ANO7: variants seen among roughly 807,000 people sequenced by gnomAD.
ANO7 encodes anoctamin-7.
ANO7 carries 114 observed loss-of-function variants against 115.8 expected under a neutral mutation model. The ratio of observed to expected loss-of-function variants is 0.98; its 90% CI spans 0.85 to 1.15. The LOEUF (loss-of-function observed/expected upper bound fraction) is 1.15. Ranked by LOEUF, ANO7 falls within the 50% of genes most tolerant of loss-of-function variation. The pLI is 0.00. For synonymous variants in ANO7, 550 were observed against 498.2 expected (o/e 1.10, Z -1.38); for missense variants, 1,302 against 1,201.2 (o/e 1.08, Z -1.24).
the ANO7 span, chr2:241,236,659 AGAT>A: frequency 1.2e-6 from 2 of 1,614,066 alleles, no homozygotes; most frequent in African/African-American, 1.3e-5. Flanking sequence ...TTCCGGCCAG[AGAT>A]GATGATGATG....
intron 10 of ANO7, among the ~76,000 whole-genome samples, chr2:241,207,163 C>A (rs2068613558): frequency 4.3e-5 from 1 of 23,082 alleles, no homozygotes; most frequent in Non-Finnish European, 8.4e-5. Flanking sequence ...GGAGTGCTCC[C>A]AGGCTGACAC....
At chr2:241,208,334 G>A (rs1308772947) in intron 11 of ANO7, among the ~76,000 whole-genome samples, 1 of 152,206 alleles carries the variant, frequency 6.6e-6, no homozygotes, top group East Asian at 1.9e-4. Context: ...GGCCACTTCT[G>A]GGGACTCAGC....
chr2:241,210,259 C>T, intron 13 of ANO7, 36 bp from the exon 14 acceptor site: 1 of 1,607,654 alleles, frequency 6.2e-7, no homozygotes, highest in Non-Finnish European at 8.5e-7. Context: ...GCCCAAGACA[C>T]CGTGAAGGGT....
chr2:241,213,282 C>T (rs907905767), intron 17 of ANO7, among the ~76,000 whole-genome samples: 28 of 152,286 alleles, frequency 1.8e-4, no homozygotes, highest in Admixed American at 1.1e-3. Flanking sequence ...GGCGTGCTGC[C>T]GCCATGGCTG....
chr2:241,231,101 A>C, the ANO7 span: 1 of 657,858 alleles, frequency 1.5e-6, no homozygotes, highest in Admixed American at 2.8e-5. Context: ...ATGTCCACTC[A>C]GGGCCGGGCA....
At position 241,204,914 on chromosome 2, in the gene ANO7, G is replaced by A. The variant is rs1409539551; in HGVS notation, c.939G>A (p.Val313=). ...LLPAAVVGTL[V]FLVGCFLVFS... ...CAGCGGCAGTGGTGGGCACACTGGT[G>A]TTCCTGGTGGGCTGCTTCCTGGTGT... Residue 313 remains valine, a synonymous_variant, in exon 10 of 25, where the codon GTG becomes GTA. Transcript: ENST00000674324. The A allele has an allele frequency of 5.0e-6, 8 of 1,613,966 alleles. No homozygotes were observed. Among genetic ancestry groups the A allele is most frequent in the Non-Finnish European group, 5.9e-6 (7 of 1,180,006 alleles).
At chr2:241,200,009 A>G in intron 5 of ANO7, 80 bp from the exon 6 acceptor site, 1 of 1,556,982 alleles carries the variant, frequency 6.4e-7, no homozygotes, top group Non-Finnish European at 8.7e-7. Flanking sequence ...CCAATTTGCA[A>G]ACTTGCACAA....
At chr2:241,230,221 T>G (rs1283726369), downstream of ANO7, 1 of 1,612,938 alleles carries the variant, frequency 6.2e-7, no homozygotes, top group Non-Finnish European at 8.5e-7. This position sits in a 1 kb window ranked among gnomAD's most constrained non-coding sequence, Gnocchi z 5.0. Flanking sequence ...CCCGTCACAG[T>G]GACGCAGTTG....
intron 2 of ANO7, 57 bp downstream of exon 2, chr2:241,190,228 T>C: frequency 6.9e-7 from 1 of 1,447,190 alleles, no homozygotes; most frequent in Non-Finnish European, 9.4e-7. Flanking sequence ...TGCCTGGGTC[T>C]ATGCCCCCAC....
At chr2:241,197,653 T>G (rs1007328228) in intron 4 of ANO7, among the ~76,000 whole-genome samples, 1,279 of 27,912 alleles carry the variant, frequency 0.046, 19 homozygotes, top group African/African-American at 0.12. Flanking sequence ...CACCTGCCCT[T>G]TTTTTTTTTT....
Position 241,223,747 on chromosome 2 carries a change from AC to A in ANO7, c.2499del (p.Tyr834ThrfsTer79). ...GTGGAGATCAAAGTGAAGCGGGAGT[AC>A]TACCTGGCTAAGCAGGCACTGGCTG... is the stretch of plus-strand genomic sequence containing the variant. The part of the protein sequence containing the change: ...ESVEIKVKRE[Y>X]YLAKQALAEN... On this transcript the variant is annotated frameshift_variant, in exon 23 of 25. Transcript: ENST00000674324. LOFTEE classifies it high-confidence loss of function. 6.2e-7 allele frequency: 1 copy of A among 1,614,190 alleles called. No homozygotes were observed. Among genetic ancestry groups the A allele is most frequent in the Non-Finnish European group, 8.5e-7 (1 of 1,180,030 alleles).
chr2:241,227,246 A>C (rs931277785), downstream of ANO7: 1 of 152,516 alleles, frequency 6.6e-6, no homozygotes, highest in African/African-American at 2.4e-5. Context: ...CGAGAAAGAG[A>C]ACACACAGGC....
At chr2:241,234,890 A>G in the ANO7 span, among the ~76,000 whole-genome samples, 466 of 152,288 alleles carry the variant, frequency 3.1e-3, 6 homozygotes, top group Middle Eastern at 0.02. Context: ...GCAAATTTAC[A>G]CGGAAGTCCA....
chr2:241,223,578 A>C, intron 22 of ANO7, 84 bp from the exon 23 acceptor site: 4 of 1,554,874 alleles, frequency 2.6e-6, no homozygotes, highest in Non-Finnish European at 3.5e-6. Flanking sequence ...AGCTGGGAGC[A>C]GGTGCCGGAG....
the ANO7 span, chr2:241,231,123 G>A: frequency 8.5e-6 from 5 of 587,202 alleles, no homozygotes; most frequent in East Asian, 5.9e-5. Context: ...GGTGGCTCAC[G>A]CCTGTAATCC....
chr2:241,231,596 C>G, the ANO7 span, among the ~76,000 whole-genome samples: 1 of 152,174 alleles, frequency 6.6e-6, no homozygotes, highest in Non-Finnish European at 1.5e-5. Flanking sequence ...CTTCCTGCTT[C>G]TTTGCCCACG....
chr2:241,237,043 T>C, the ANO7 span, among the ~76,000 whole-genome samples: 1 of 150,676 alleles, frequency 6.6e-6, no homozygotes, highest in Non-Finnish European at 1.5e-5. Context: ...GTCTCCCTTC[T>C]TCACCTTGAA....
intron 19 of ANO7, among the ~76,000 whole-genome samples, chr2:241,216,482 C>T (rs1423746895): frequency 6.6e-6 from 1 of 152,208 alleles, no homozygotes; most frequent in Non-Finnish European, 1.5e-5. Context: ...AGGAGGCCCC[C>T]GCGGCCGTTG....
At position 241,216,010 on chromosome 2, in the gene ANO7, C is replaced by A. The variant is rs527938117; in HGVS notation, c.1827-83C>A. ...CAATTGCAAAGCAACAGGCTTGTCC[C>A]GGCCACATCTCCCCCAAGGACTATA... On this transcript the variant is annotated intron_variant, in intron 18 of 24. Coordinates refer to ENST00000674324, the MANE Select transcript of ANO7 (RefSeq NM_001370694.2). The A allele has an allele frequency of 8.0e-6, 12 of 1,498,948 alleles. No homozygotes were observed. In the African/African-American group the frequency reaches 1.4e-4, roughly 18 times the overall value. 92.9% of individuals were successfully genotyped at this position (1,498,948 alleles called of 1,614,324 possible).
Sources: allele counts gnomAD v4.1 joint callset (sites outside exome capture counted in the v4.1 genomes callset), GRCh38; gene constraint gnomAD v4.1.1; non-coding constraint Gnocchi (gnomAD v3.1); transcripts MANE v1.5; gene names NCBI Gene and HGNC (gene_info 2026-07-23, HGNC 2026-07-21).